The following MBD5 variants were observed in gnomAD, a reference collection of about 807,000 sequenced individuals.
MBD5 encodes the protein methyl-CpG-binding domain protein 5.
A neutral mutation model predicts 117.3 loss-of-function variants in MBD5; 13 were observed. The observed-to-expected ratio is 0.11, with a 90% confidence interval of 0.07 to 0.18. The LOEUF (loss-of-function observed/expected upper bound fraction) is 0.18, where lower values mean the gene tolerates loss of function less well. MBD5 is among the 10% of genes least tolerant of loss of function. The pLI is 1.00. For synonymous variants in MBD5, 727 were observed against 766.4 expected, an observed-to-expected ratio of 0.95 and a Z score of 0.85; for missense variants, 1,879 against 2,093.8, an observed-to-expected ratio of 0.90 and a Z score of 2.00.
At chr2:148,267,466 A>T (rs754786816) in intron 3 of MBD5, among the ~76,000 whole-genome samples, 3 of 152,186 alleles carry the variant, frequency 2.0e-5, no homozygotes, top group Admixed American at 6.5e-5. Context: ...ACAGAAAATA[A>T]TGACATTGGT....
At chr2:148,118,701 G>T (rs578165220) in intron 1 of MBD5, among the ~76,000 whole-genome samples, 1 of 152,018 alleles carries the variant, frequency 6.6e-6, no homozygotes, top group African/African-American at 2.4e-5. Flanking sequence ...CCTACTCCCA[G>T]CTCTAGGCAA....
At chr2:148,226,381 T>C (rs933637770) in intron 2 of MBD5, among the ~76,000 whole-genome samples, 2 of 152,116 alleles carry the variant, frequency 1.3e-5, no homozygotes, top group Admixed American at 1.3e-4. Context: ...TTTGTCCTTG[T>C]GATAGTTTGC....
intron 4 of MBD5, among the ~76,000 whole-genome samples, chr2:148,395,650 C>T (rs1044025078): frequency 3.9e-5 from 6 of 152,220 alleles, no homozygotes; most frequent in South Asian, 2.1e-4. Flanking sequence ...GTCTCGAACT[C>T]CTGACCTCAG....
chr2:148,201,690 A>G (rs1335435227), intron 2 of MBD5, among the ~76,000 whole-genome samples: 1 of 152,148 alleles, frequency 6.6e-6, no homozygotes, highest in Non-Finnish European at 1.5e-5. Flanking sequence ...AGGGTGGAGA[A>G]AAATTTTATT....
At chr2:148,116,905 C>A (rs1696653626) in intron 1 of MBD5, among the ~76,000 whole-genome samples, 1 of 152,070 alleles carries the variant, frequency 6.6e-6, no homozygotes. Context: ...AAGGAGTGGG[C>A]TAGGGAACAA....
At chr2:148,390,568 T>C (rs1704542012) in intron 4 of MBD5, among the ~76,000 whole-genome samples, 1 of 143,384 alleles carries the variant, frequency 7.0e-6, no homozygotes, top group South Asian at 2.1e-4. Flanking sequence ...TGTGTGTATA[T>C]ATATATATAT....
intron 11 of MBD5, among the ~76,000 whole-genome samples, chr2:148,498,865 T>C (rs1299095415): frequency 6.6e-6 from 1 of 152,340 alleles, no homozygotes; most frequent in East Asian, 1.9e-4. Flanking sequence ...TCAGAAAAAC[T>C]CTTAATCATC....
intron 3 of MBD5, among the ~76,000 whole-genome samples, chr2:148,340,875 C>T (rs13403308): frequency 0.21 from 30,664 of 144,540 alleles, 3,446 homozygotes; most frequent in Non-Finnish European, 0.23. Flanking sequence ...CACACACACA[C>T]ATAGCATTTA....
At chr2:148,269,624 G>C (rs1700936158) in intron 3 of MBD5, among the ~76,000 whole-genome samples, 1 of 147,126 alleles carries the variant, frequency 6.8e-6, no homozygotes, top group African/African-American at 2.5e-5. Context: ...CTTATCTAGT[G>C]GTCCAAAACT....
At chr2:148,333,842 A>T (rs1249200604) in intron 3 of MBD5, among the ~76,000 whole-genome samples, 1 of 151,790 alleles carries the variant, frequency 6.6e-6, no homozygotes, top group Admixed American at 6.6e-5. Flanking sequence ...TGGACAACAG[A>T]GCAAGACCCC....
chr2:148,106,803 A>C (rs977593944), intron 1 of MBD5, among the ~76,000 whole-genome samples: 1 of 152,026 alleles, frequency 6.6e-6, no homozygotes, highest in Non-Finnish European at 1.5e-5. Flanking sequence ...AAAGGCCTTA[A>C]TGCAGAATAT....
intron 4 of MBD5, among the ~76,000 whole-genome samples, chr2:148,452,232 G>T (rs144415662): frequency 6.6e-6 from 1 of 152,050 alleles, no homozygotes; most frequent in South Asian, 2.1e-4. Context: ...ACGGTGGCTC[G>T]CACTTGTAAT....
chr2:148,483,007 G>A (rs151328254), intron 8 of MBD5, 103 bp from the exon 9 acceptor site: 2 of 1,330,494 alleles, frequency 1.5e-6, no homozygotes, highest in Non-Finnish European at 2.1e-6. Context: ...AGGTGCCATG[G>A]AACAAATAAA....
chr2:148,429,999 G>A (rs1705934517), intron 4 of MBD5, among the ~76,000 whole-genome samples: 1 of 151,936 alleles, frequency 6.6e-6, no homozygotes, highest in Non-Finnish European at 1.5e-5. Context: ...AATACTGCCT[G>A]TATATTGATG....
chr2:148,110,131 T>G (rs1574024538), intron 1 of MBD5, among the ~76,000 whole-genome samples: 1 of 152,318 alleles, frequency 6.6e-6, no homozygotes, highest in East Asian at 1.9e-4. Flanking sequence ...TTTTTGTTGC[T>G]CCACAAAAGT....
intron 3 of MBD5, among the ~76,000 whole-genome samples, chr2:148,267,779 G>A (rs931666688): frequency 2.6e-5 from 4 of 151,668 alleles, no homozygotes; most frequent in African/African-American, 9.7e-5. Flanking sequence ...CTTGGGGTAG[G>A]TATCTAATTT....
chr2:148,410,041 T>A (rs1705203955), intron 4 of MBD5, among the ~76,000 whole-genome samples: 2 of 152,302 alleles, frequency 1.3e-5, no homozygotes, highest in South Asian at 4.2e-4. Flanking sequence ...GTTTGATTAT[T>A]TCTTCAGACC....
At chr2:148,420,695 T>G (rs1054667666) in intron 4 of MBD5, among the ~76,000 whole-genome samples, 5 of 144,434 alleles carry the variant, frequency 3.5e-5, no homozygotes, top group Non-Finnish European at 7.5e-5. Context: ...GTCTGATAAG[T>G]CATGTTTTGT....
intron 3 of MBD5, among the ~76,000 whole-genome samples, chr2:148,334,747 C>A (rs1266867111): frequency 6.6e-6 from 1 of 152,038 alleles, no homozygotes; most frequent in Non-Finnish European, 1.5e-5. Flanking sequence ...ATAATAGATA[C>A]TGTTGATTTT....
Sources: gnomAD v4.1 joint callset for allele counts (sites outside exome capture counted in the v4.1 genomes callset) on GRCh38, gnomAD v4.1.1 for gene constraint, MANE v1.5 for transcripts, NCBI Gene and HGNC (gene_info 2026-07-23, HGNC 2026-07-21) for gene names.